The following TAF3 variants were observed in gnomAD, a reference collection of about 807,000 sequenced individuals.
The protein encoded by TAF3 is TATA-box binding protein associated factor 3.
A neutral mutation model predicts 80.6 loss-of-function variants in TAF3; 7 were observed. The ratio of observed to expected loss-of-function variants is 0.09; its 90% confidence interval spans 0.05 to 0.16. The LOEUF is 0.16. Ranked by LOEUF, TAF3 falls within the 10% of genes least tolerant of loss-of-function variation. The probability of loss-of-function intolerance (pLI) is 1.00; values close to 1 mark genes in which losing one functional copy is unlikely to be tolerated. For missense variants in TAF3, 921 were observed against 1,140.2 expected (o/e 0.81, Z 2.77); for synonymous variants, 444 against 446.1 (o/e 1.00, Z 0.06).
intron 2 of TAF3, among the ~76,000 whole-genome samples, chr10:7,863,694 T>TATATACACACAC: frequency 2.9e-5 from 1 of 34,608 alleles, no homozygotes; most frequent in East Asian, 2.2e-3. Flanking sequence ...TACACACACA[T>TATATACACACAC]ATATATATAT....
chr10:7,969,872 T>G (rs922316821), intron 3 of TAF3, among the ~76,000 whole-genome samples: 1 of 152,180 alleles, frequency 6.6e-6, no homozygotes, highest in Non-Finnish European at 1.5e-5. Flanking sequence ...TTCACCAACC[T>G]CCCATCCTCG....
chr10:7,872,197 T>C (rs980975038), intron 2 of TAF3, among the ~76,000 whole-genome samples: 1 of 148,302 alleles, frequency 6.7e-6, no homozygotes, highest in South Asian at 2.1e-4. Flanking sequence ...TGTAACATGG[T>C]AGAAGTGTTG....
Position 7,960,098 on chromosome 10 carries a change from C to T in TAF3, c.410-3822C>T, listed in dbSNP as rs141947958. Among the ~76,000 whole-genome samples the T allele has an allele frequency of 2.3e-4, 35 of 152,342 alleles. No individual in the cohort carries two copies. The East Asian group carries it at 6.0e-3, about 26-fold the overall frequency. On this transcript the variant is annotated intron_variant, in intron 2 of 6. Transcript: ENST00000344293. ...GACCCGTTATCCTGCCTAAGCCAAA[C>T]CTTTATCATTCTGTTTTGGCATCAT...
At chr10:7,908,682 T>A (rs563611404) in intron 2 of TAF3, among the ~76,000 whole-genome samples, 10 of 152,360 alleles carry the variant, frequency 6.6e-5, no homozygotes, top group African/African-American at 2.4e-4. Flanking sequence ...AAGCACATAA[T>A]GAGGCAGAAG....
chr10:7,968,485 G>A (rs888053630), intron 3 of TAF3, among the ~76,000 whole-genome samples: 3 of 152,168 alleles, frequency 2.0e-5, no homozygotes, highest in African/African-American at 7.2e-5. Context: ...TAAGATCCAG[G>A]ACAAGTTTTT....
At chr10:7,996,027 A>G (rs559590142) in intron 4 of TAF3, among the ~76,000 whole-genome samples, 22 of 152,318 alleles carry the variant, frequency 1.4e-4, no homozygotes, top group African/African-American at 4.6e-4. Flanking sequence ...CAACTTCTGA[A>G]TATTTATTTA....
intron 2 of TAF3, among the ~76,000 whole-genome samples, chr10:7,888,746 C>T (rs890498302): frequency 3.9e-5 from 6 of 152,366 alleles, no homozygotes; most frequent in Admixed American, 3.9e-4. Flanking sequence ...AAGACAGTGA[C>T]AGAGCTTTCG....
intron 2 of TAF3, among the ~76,000 whole-genome samples, chr10:7,827,891 G>T (rs925494988): frequency 5.3e-5 from 8 of 151,918 alleles, no homozygotes; most frequent in African/African-American, 1.9e-4. Context: ...CAGGGGTCAA[G>T]GCTGCAGTGA....
At chr10:7,894,055 G>A (rs1304091893) in intron 2 of TAF3, among the ~76,000 whole-genome samples, 3 of 152,116 alleles carry the variant, frequency 2.0e-5, no homozygotes, top group African/African-American at 7.2e-5. Flanking sequence ...TGCACATTTT[G>A]TTTTATTAGT....
intron 2 of TAF3, among the ~76,000 whole-genome samples, chr10:7,863,754 T>C (rs1433938667): frequency 3.6e-5 from 5 of 137,400 alleles, no homozygotes; most frequent in African/African-American, 1.3e-4. Flanking sequence ...TATACACATA[T>C]ATATATACAC....
intron 4 of TAF3, among the ~76,000 whole-genome samples, chr10:7,983,221 C>T (rs1021761731): frequency 2.0e-5 from 3 of 152,196 alleles, no homozygotes; most frequent in Admixed American, 6.5e-5. Flanking sequence ...TATCAGCCCC[C>T]GTGAAGGACT....
At chr10:7,940,595 A>G (rs1837966763) in intron 2 of TAF3, among the ~76,000 whole-genome samples, 1 of 152,220 alleles carries the variant, frequency 6.6e-6, no homozygotes, top group Non-Finnish European at 1.5e-5. Flanking sequence ...GAGCAGTTTT[A>G]TGAAGGGAAT....
At chr10:7,952,600 T>A (rs1838092236) in intron 2 of TAF3, among the ~76,000 whole-genome samples, 1 of 152,214 alleles carries the variant, frequency 6.6e-6, no homozygotes, top group African/African-American at 2.4e-5. Flanking sequence ...AGGTGTCATT[T>A]CAGGTTGGCT....
chr10:7,963,544 T>C, intron 2 of TAF3, among the ~76,000 whole-genome samples: 1 of 148,478 alleles, frequency 6.7e-6, no homozygotes, highest in East Asian at 2.0e-4. Flanking sequence ...AATAATTTCC[T>C]TTTTTTTTTA....
At chr10:7,954,305 C>G (rs77302548) in intron 2 of TAF3, among the ~76,000 whole-genome samples, 2 of 134,712 alleles carry the variant, frequency 1.5e-5, no homozygotes, top group Middle Eastern at 4.8e-3. Context: ...TAGTGAGATT[C>G]AGAGTGCACT....
intron 2 of TAF3, among the ~76,000 whole-genome samples, chr10:7,856,038 G>A (rs1466895900): frequency 6.6e-6 from 1 of 152,134 alleles, no homozygotes; most frequent in Admixed American, 6.6e-5. Flanking sequence ...TTTAAAGGAG[G>A]AAATGGGGGA....
intron 2 of TAF3, among the ~76,000 whole-genome samples, chr10:7,961,043 G>A (rs1220121200): frequency 4.6e-5 from 7 of 152,168 alleles, no homozygotes; most frequent in East Asian, 3.8e-4. Context: ...GAAGATCACC[G>A]TAAGACGACG....
intron 2 of TAF3, among the ~76,000 whole-genome samples, chr10:7,906,692 C>T (rs924824331): frequency 2.6e-5 from 4 of 151,450 alleles, no homozygotes; most frequent in South Asian, 2.1e-4. Flanking sequence ...AGGAACCAAA[C>T]GAATTAAATA....
intron 2 of TAF3, among the ~76,000 whole-genome samples, chr10:7,875,467 T>C (rs966993853): frequency 4.6e-5 from 7 of 152,170 alleles, no homozygotes; most frequent in Non-Finnish European, 8.8e-5. Flanking sequence ...GATTGTGTTA[T>C]AAGAAAGAGA....
Sources: gnomAD v4.1 joint callset for allele counts (sites outside exome capture counted in the v4.1 genomes callset) on GRCh38, gnomAD v4.1.1 for gene constraint, MANE v1.5 for transcripts, NCBI Gene and HGNC (gene_info 2026-07-23, HGNC 2026-07-21) for gene names.